Variants in TTLL5 observed in about 807,000 individuals in gnomAD.
TTLL5 encodes tubulin polyglutamylase TTLL5.
A neutral mutation model predicts 168.4 loss-of-function variants in TTLL5; 132 were observed. That is an observed-to-expected ratio of 0.78 (90% CI 0.68 to 0.91). The LOEUF is 0.91. TTLL5 is among the 40% of genes least tolerant of loss of function. The probability of loss-of-function intolerance (pLI) is 0.00; values close to 1 mark genes in which losing one functional copy is unlikely to be tolerated. For missense variants in TTLL5, 1,545 were observed against 1,581.5 expected (o/e 0.98, Z 0.39); for synonymous variants, 546 against 558.6 (o/e 0.98, Z 0.32).
rs143909413 is a variant in TTLL5 at position 75,933,157 on chromosome 14, C to A, written c.3824-21267C>A. Among the ~76,000 whole-genome samples the A allele has an allele frequency of 1.5e-3, 225 of 152,270 alleles. 4 individuals carry two copies. In the South Asian group the frequency reaches 0.027, roughly 18 times the overall value. On this transcript the variant is annotated intron_variant, in intron 31 of 31. Coordinates refer to ENST00000298832, the MANE Select transcript of TTLL5 (RefSeq NM_015072.5). ...CAAATTTTACCTGAAAACTTAACGG[C>A]TTAAAACAATAAATATTTGGCTCGG... is the stretch of plus-strand genomic sequence containing the variant.
intron 28 of TTLL5, among the ~76,000 whole-genome samples, chr14:75,851,497 C>T (rs1441217457): frequency 1.3e-5 from 2 of 152,180 alleles, no homozygotes; most frequent in Non-Finnish European, 2.9e-5. Flanking sequence ...TTCGTCAGTG[C>T]TCACATCCAG....
chr14:75,756,546 T>A (rs1042332162), intron 18 of TTLL5, among the ~76,000 whole-genome samples: 1 of 151,682 alleles, frequency 6.6e-6, no homozygotes, highest in Admixed American at 6.6e-5. Flanking sequence ...CTCACTCTGT[T>A]GCCCAGGCTG....
At chr14:75,692,371 T>C (rs1204694052) in intron 6 of TTLL5, among the ~76,000 whole-genome samples, 1 of 152,210 alleles carries the variant, frequency 6.6e-6, no homozygotes, top group East Asian at 1.9e-4. Flanking sequence ...TTTGTATGTT[T>C]TGTTTAACTA....
At chr14:75,783,557 A>C in intron 26 of TTLL5, 27 bp downstream of exon 26, 1 of 1,602,360 alleles carries the variant, frequency 6.2e-7, no homozygotes, top group Non-Finnish European at 8.5e-7. Flanking sequence ...AAGACAGTCC[A>C]CAATGTGAGC....
At chr14:75,728,477 G>A (rs1392414557) in intron 12 of TTLL5, among the ~76,000 whole-genome samples, 2 of 152,054 alleles carry the variant, frequency 1.3e-5, no homozygotes. Context: ...TTTCTAGTTT[G>A]GAGCCTGGTG....
intron 28 of TTLL5, among the ~76,000 whole-genome samples, chr14:75,854,509 T>G (rs1897035132): frequency 1.3e-5 from 2 of 152,226 alleles, no homozygotes; most frequent in Admixed American, 1.3e-4. Context: ...AGCCACATTT[T>G]TATTTCTTTT....
chr14:75,951,535 G>A (rs956031530), intron 31 of TTLL5, among the ~76,000 whole-genome samples: 1 of 152,086 alleles, frequency 6.6e-6, no homozygotes, highest in Non-Finnish European at 1.5e-5. Context: ...CAGCGTGGGA[G>A]GATTTCTTGA....
At chr14:75,707,548 G>A (rs753586153) in intron 8 of TTLL5, 75 bp from the exon 9 acceptor site, 241 of 1,326,414 alleles carry the variant, frequency 1.8e-4, no homozygotes, top group Non-Finnish European at 2.4e-4. Context: ...ATGTTTCTTG[G>A]TTTCGTTGTT....
chr14:75,787,870 T>A (rs967980135), intron 26 of TTLL5, among the ~76,000 whole-genome samples: 3 of 152,154 alleles, frequency 2.0e-5, no homozygotes, highest in Non-Finnish European at 2.9e-5. Context: ...TATTTCAAAA[T>A]TTAAGAGTCA....
In TTLL5 at chr14:75,681,614, A is replaced by G. The variant is rs1186708954; in HGVS notation, c.251A>G (p.His84Arg). ...SRLVRSILTAHGFHEVHPSST... is the reference protein window; with the variant it reads ...SRLVRSILTARGFHEVHPSST... Reference sequence around the variant, plus strand: ...CTAGTACGCAGCATTCTGACAGCCCATGGATTTCATGAAGTAAGTTTATTT... The same window carrying G: ...CTAGTACGCAGCATTCTGACAGCCCGTGGATTTCATGAAGTAAGTTTATTT... Residue 84 changes from histidine to arginine, a missense_variant, in exon 4 of 32, where the codon CAT (histidine) becomes CGT (arginine). His to Arg is a conservative substitution (Grantham distance 29). Transcript: ENST00000298832. 3 of 1,613,250 alleles carry G rather than the reference A, an allele frequency of 1.9e-6. No individual in the cohort carries two copies. The highest frequency in any genetic ancestry group is 2.5e-6 in the Non-Finnish European group (3 of 1,179,822).
intron 28 of TTLL5, among the ~76,000 whole-genome samples, chr14:75,843,232 G>T (rs1215397539): frequency 6.6e-6 from 1 of 152,186 alleles, no homozygotes; most frequent in Non-Finnish European, 1.5e-5. Context: ...GTGTGGAAGT[G>T]CATGCACTTA....
intron 28 of TTLL5, among the ~76,000 whole-genome samples, chr14:75,854,714 G>A (rs1897044577): frequency 6.6e-6 from 1 of 152,178 alleles, no homozygotes; most frequent in Non-Finnish European, 1.5e-5. Context: ...GTTAGTAGAT[G>A]TAAGATGTTA....
chr14:75,852,429 G>A (rs2139895133), intron 28 of TTLL5, among the ~76,000 whole-genome samples: 1 of 152,266 alleles, frequency 6.6e-6, no homozygotes, highest in South Asian at 2.1e-4. Context: ...CTGTTCTCAA[G>A]CAAGGAGACC....
chr14:75,919,114 T>C (rs1369273922), intron 31 of TTLL5, among the ~76,000 whole-genome samples: 2 of 140,910 alleles, frequency 1.4e-5, no homozygotes, highest in Non-Finnish European at 3.0e-5. Flanking sequence ...GGCAGGAGAA[T>C]TGCTTCAACC....
chr14:75,818,836 CTTA>C, intron 27 of TTLL5, among the ~76,000 whole-genome samples: 1 of 152,098 alleles, frequency 6.6e-6, no homozygotes, highest in Non-Finnish European at 1.5e-5. Flanking sequence ...GTAATATTGT[CTTA>C]CTTAGGGCAA....
At chr14:75,709,208 T>C (rs753940828) in intron 9 of TTLL5, 2 of 762,370 alleles carry the variant, frequency 2.6e-6, no homozygotes, top group East Asian at 2.4e-5. Context: ...GGAAATACCA[T>C]GGATAAAAGA....
At chr14:75,690,149 G>T (rs776491353) in intron 5 of TTLL5, 43 bp from the exon 6 acceptor site, 2 of 1,610,646 alleles carry the variant, frequency 1.2e-6, no homozygotes, top group South Asian at 2.2e-5. Flanking sequence ...GGAAAATTCT[G>T]AGTCATAGTT....
At chr14:75,691,395 A>T (rs1451980338) in intron 6 of TTLL5, among the ~76,000 whole-genome samples, 11 of 152,234 alleles carry the variant, frequency 7.2e-5, no homozygotes, top group Admixed American at 7.2e-4. Context: ...GTCTCTTGTG[A>T]AAGTCCAAAT....
In TTLL5 at chr14:75,664,155, ATATCT is replaced by A. The variant is rs1481543722; in HGVS notation, c.74+936_74+940del. 2.6e-5 allele frequency among the ~76,000 whole-genome samples: 4 copies of A among 152,226 alleles called. No homozygotes were observed. In the East Asian group the frequency reaches 7.7e-4, roughly 29 times the overall value. On this transcript the variant is annotated intron_variant, in intron 2 of 31. Coordinates refer to ENST00000298832, the MANE Select transcript of TTLL5 (RefSeq NM_015072.5). ...TGACGATAAAGGCTTTATCTCATCTATATCTTATATCTTTTTAAATCTGAAGGTGT... is the reference window on the plus strand; with the variant it reads ...TGACGATAAAGGCTTTATCTCATCTATATATCTTTTTAAATCTGAAGGTGT...
Sources: gnomAD v4.1 joint callset for allele counts (sites outside exome capture counted in the v4.1 genomes callset) on GRCh38, gnomAD v4.1.1 for gene constraint, MANE v1.5 for transcripts, NCBI Gene and HGNC (gene_info 2026-07-23, HGNC 2026-07-21) for gene names.